PTPRM: variants seen among roughly 807,000 people sequenced by gnomAD.
PTPRM encodes receptor-type tyrosine-protein phosphatase mu.
PTPRM carries 47 observed loss-of-function variants against 186.7 expected under a neutral mutation model. The ratio of observed to expected loss-of-function variants is 0.25; its 90% CI spans 0.20 to 0.32. The LOEUF is 0.32. PTPRM is among the 10% of genes least tolerant of loss of function. The pLI is 1.00. For missense variants in PTPRM, 1,494 were observed against 1,865.0 expected (o/e 0.80, Z 3.66); for synonymous variants, 668 against 674.9 (o/e 0.99, Z 0.16).
chr18:8,176,594 G>T (rs1234295072), intron 14 of PTPRM, among the ~76,000 whole-genome samples: 4 of 152,190 alleles, frequency 2.6e-5, no homozygotes, highest in African/African-American at 9.7e-5. Flanking sequence ...GAGAACCAAA[G>T]TGCACATCAT....
In PTPRM at chr18:7,797,131, G is replaced by A. The variant is rs374561033; in HGVS notation, c.196+22860G>A. On this transcript the variant is annotated intron_variant, in intron 2 of 32. Transcript: ENST00000580170. ...AGGTTCTCTAAAATGAAGATGAAAC[G>A]CCTACTTGAGTCGAGTGTCTAGGGC... is the stretch of plus-strand genomic sequence containing the variant. Among the ~76,000 whole-genome samples the A allele has an allele frequency of 5.4e-4, 82 of 152,222 alleles. 1 individual carries two copies. In the South Asian group the frequency reaches 0.016, roughly 30 times the overall value.
intron 29 of PTPRM, among the ~76,000 whole-genome samples, chr18:8,382,945 A>T (rs1317044916): frequency 6.6e-6 from 1 of 152,208 alleles, no homozygotes; most frequent in African/African-American, 2.4e-5. Context: ...GTTGTATAAT[A>T]AAGTAGTTCT....
At chr18:8,253,175 C>A in intron 18 of PTPRM, 52 bp from the exon 19 acceptor site, 1 of 1,306,702 alleles carries the variant, frequency 7.7e-7, no homozygotes, top group Non-Finnish European at 9.9e-7. Context: ...TCAGTGATGC[C>A]GACCTAGCTC....
intron 20 of PTPRM, among the ~76,000 whole-genome samples, chr18:8,298,907 A>C (rs1422655604): frequency 6.6e-6 from 1 of 152,156 alleles, no homozygotes; most frequent in Non-Finnish European, 1.5e-5. Context: ...TGAGGCCAGG[A>C]GTTGGAGACC....
At chr18:7,791,686 C>A (rs1237391133) in intron 2 of PTPRM, among the ~76,000 whole-genome samples, 2 of 152,056 alleles carry the variant, frequency 1.3e-5, no homozygotes, top group African/African-American at 4.8e-5. Flanking sequence ...CAACTTCTGC[C>A]CCACTTGGCC....
intron 7 of PTPRM, among the ~76,000 whole-genome samples, chr18:7,990,517 A>G (rs2083209559): frequency 6.6e-6 from 1 of 152,234 alleles, no homozygotes; most frequent in African/African-American, 2.4e-5. Context: ...AAAAATATGA[A>G]TATAAAAATT....
chr18:8,317,276 T>C (rs948158643), intron 21 of PTPRM, among the ~76,000 whole-genome samples: 3 of 152,002 alleles, frequency 2.0e-5, no homozygotes, highest in Non-Finnish European at 4.4e-5. Flanking sequence ...GCTGGCAGAT[T>C]GGCTACGGGG....
chr18:7,972,803 C>T (rs1348137103), intron 7 of PTPRM, among the ~76,000 whole-genome samples: 1 of 152,074 alleles, frequency 6.6e-6, no homozygotes, highest in East Asian at 1.9e-4. Flanking sequence ...AGATTCCCTC[C>T]TCTTTCAGTC....
At position 8,168,965 on chromosome 18, in the gene PTPRM, AT is replaced by A. The variant is rs372280911; in HGVS notation, c.2300+25187del. Among the ~76,000 whole-genome samples the A allele has an allele frequency of 3.1e-3, 465 of 152,324 alleles. 1 individual carries two copies. Among genetic ancestry groups the A allele is most frequent in the African/African-American group, 0.01 (436 of 41,578 alleles). ...ATCCAGATTCACTATAATATTATGC[AT>A]GTAAGTTCTGCCTAGACTCAATGGA... On this transcript the variant is annotated intron_variant, in intron 14 of 32. Transcript: ENST00000580170.
intron 7 of PTPRM, among the ~76,000 whole-genome samples, chr18:8,011,371 G>A (rs552653651): frequency 6.6e-6 from 1 of 152,240 alleles, no homozygotes; most frequent in African/African-American, 2.4e-5. Flanking sequence ...GGACTGATGG[G>A]CACACTTTCT....
intron 5 of PTPRM, among the ~76,000 whole-genome samples, chr18:7,936,004 C>T (rs570604267): frequency 7.2e-5 from 11 of 152,298 alleles, no homozygotes; most frequent in African/African-American, 1.7e-4. Context: ...TTATATTCAG[C>T]GGAAGGTTCA....
At position 7,601,105 on chromosome 18, in the gene PTPRM, G is replaced by A. The variant is rs555537966; in HGVS notation, c.73+33214G>A. Among the ~76,000 whole-genome samples, 12 of 152,356 alleles carry A rather than the reference G, an allele frequency of 7.9e-5. No homozygotes were observed. The South Asian group carries it at 2.5e-3, about 32-fold the overall frequency. The stretch of plus-strand genomic sequence containing the variant: ...CCAGTGGCGTGGCTTTCCTAGGACA[G>A]AAGGATTGCTCCACCCTACAGGGGA... On this transcript the variant is annotated intron_variant, in intron 1 of 32. Coordinates refer to ENST00000580170, the MANE Select transcript of PTPRM (RefSeq NM_001105244.2).
chr18:8,252,629 C>A (rs1601486811), intron 18 of PTPRM, 130 bp downstream of exon 18: 6 of 877,224 alleles, frequency 6.8e-6, no homozygotes, highest in Non-Finnish European at 1.2e-5. Flanking sequence ...GTAGAACATT[C>A]CATGTGTGAT....
intron 2 of PTPRM, among the ~76,000 whole-genome samples, chr18:7,863,238 A>G (rs2047486165): frequency 6.6e-6 from 1 of 152,138 alleles, no homozygotes; most frequent in East Asian, 1.9e-4. Flanking sequence ...GTTCTGAGAT[A>G]CATGTGCAGA....
chr18:8,235,456 C>CTTTTTTT (rs58166609), intron 14 of PTPRM, among the ~76,000 whole-genome samples: 2 of 102,322 alleles, frequency 2.0e-5, no homozygotes, highest in African/African-American at 4.0e-5. Context: ...TCTGTGTCTT[C>CTTTTTTT]TTTTTTTTTT....
chr18:8,351,768 A>G (rs2095535452), intron 23 of PTPRM, among the ~76,000 whole-genome samples: 1 of 152,236 alleles, frequency 6.6e-6, no homozygotes, highest in Admixed American at 6.5e-5. Flanking sequence ...ATTCCCATCC[A>G]GACACTGCCA....
chr18:8,080,592 A>G (rs985927037), intron 9 of PTPRM, among the ~76,000 whole-genome samples: 3 of 152,206 alleles, frequency 2.0e-5, no homozygotes, highest in Non-Finnish European at 1.5e-5. Flanking sequence ...TGATTGGGAC[A>G]TTCAAGAGTC....
At chr18:8,126,027 A>ATATATATAT (rs57751538) in intron 13 of PTPRM, among the ~76,000 whole-genome samples, 11 of 69,532 alleles carry the variant, frequency 1.6e-4, no homozygotes, top group African/African-American at 3.3e-4. Context: ...ATATATATAT[A>ATATATATAT]TTTTAAATCA....
intron 19 of PTPRM, among the ~76,000 whole-genome samples, chr18:8,278,942 G>C (rs570401700): frequency 6.6e-6 from 1 of 152,150 alleles, no homozygotes; most frequent in Non-Finnish European, 1.5e-5. Context: ...TGTCTCAAGA[G>C]GGGGAGGGAT....
Sources: gnomAD v4.1 joint callset for allele counts (sites outside exome capture counted in the v4.1 genomes callset) on GRCh38, gnomAD v4.1.1 for gene constraint, MANE v1.5 for transcripts, NCBI Gene and HGNC (gene_info 2026-07-23, HGNC 2026-07-21) for gene names.